Variants in THRB observed in about 807,000 individuals in gnomAD.
The protein encoded by THRB is thyroid hormone receptor beta.
A neutral mutation model predicts 47.8 loss-of-function variants in THRB; 12 were observed. The observed-to-expected ratio is 0.25, with a 90% CI of 0.16 to 0.41. The LOEUF is 0.41. Among genes scored for constraint, THRB ranks in the 10% least tolerant of loss-of-function variants. THRB has a pLI of 1.00. For missense variants in THRB, 348 were observed against 589.2 expected, an observed-to-expected ratio of 0.59 and a Z score of 4.24; for synonymous variants, 218 against 212.2, an observed-to-expected ratio of 1.03 and a Z score of -0.24.
intron 3 of THRB, among the ~76,000 whole-genome samples, chr3:24,235,713 C>A (rs2048790106): frequency 6.6e-6 from 1 of 151,904 alleles, no homozygotes; most frequent in Admixed American, 6.6e-5. Flanking sequence ...TAGCCCAAGA[C>A]CATTAAAACT....
chr3:24,474,726 C>T (rs1695192708), intron 1 of THRB, among the ~76,000 whole-genome samples: 1 of 152,138 alleles, frequency 6.6e-6, no homozygotes, highest in Admixed American at 6.6e-5. Context: ...GCTCAGAAGA[C>T]TGCTGCAGAC....
At chr3:24,308,925 G>A (rs1197423426) in intron 2 of THRB, among the ~76,000 whole-genome samples, 1 of 152,250 alleles carries the variant, frequency 6.6e-6, no homozygotes, top group Non-Finnish European at 1.5e-5. Flanking sequence ...GAAGTAAACT[G>A]TTTATTTTCT....
rs776839301 is a variant in THRB, at chr3:24,221,210, T to C, written c.22+7728A>G. 4.6e-5 allele frequency among the ~76,000 whole-genome samples: 7 copies of C among 152,344 alleles called. 1 individual carries two copies. The highest frequency in any genetic ancestry group is 3.9e-4 in the East Asian group (2 of 5,194). On this transcript the variant is annotated intron_variant, in intron 4 of 10. Transcript: ENST00000646209. ...CCGTATAAAAATAACTCTTGGCTCA[T>C]TGCAAACAAAATAACACCATATAGT...
intron 1 of THRB, among the ~76,000 whole-genome samples, chr3:24,341,656 T>G (rs2062664904): frequency 1.3e-5 from 2 of 152,230 alleles, no homozygotes; most frequent in Admixed American, 1.3e-4. Context: ...AGGTTAAGTC[T>G]ATTCTCCTGT....
intron 2 of THRB, among the ~76,000 whole-genome samples, chr3:24,323,123 T>C (rs2058590845): frequency 6.6e-6 from 1 of 152,200 alleles, no homozygotes; most frequent in African/African-American, 2.4e-5. Context: ...CGTTGAGCTT[T>C]AAGTGGCCCA....
intron 6 of THRB, among the ~76,000 whole-genome samples, chr3:24,151,366 G>A (rs908746982): frequency 2.0e-5 from 3 of 152,154 alleles, no homozygotes; most frequent in Non-Finnish European, 4.4e-5. Flanking sequence ...TGAACAAAGC[G>A]GGGCAGTTGG....
chr3:24,465,373 C>T (rs933549790), intron 1 of THRB, among the ~76,000 whole-genome samples: 3 of 152,144 alleles, frequency 2.0e-5, no homozygotes, highest in Non-Finnish European at 4.4e-5. Flanking sequence ...TTATTCTCAT[C>T]AGGATGAGGT....
chr3:24,122,025 G>A lies in THRB; in HGVS notation c.*859C>T, dbSNP rs895156555. 15 of 152,658 alleles carry A rather than the reference G, an allele frequency of 9.8e-5. No individual in the cohort carries two copies. Among genetic ancestry groups the A allele is most frequent in the African/African-American group, 3.6e-4 (15 of 41,454 alleles). 9.5% of individuals were successfully genotyped at this position (152,658 alleles called of 1,614,324 possible). On this transcript the variant is annotated 3_prime_UTR_variant, in exon 11 of 11. Transcript: ENST00000646209. Reference sequence around the variant, plus strand: ...GAGCTTGGGAGATGACAGATCAGATGCCACAGAAAAGGGGTGCCACCCTGT... The same window carrying A: ...GAGCTTGGGAGATGACAGATCAGATACCACAGAAAAGGGGTGCCACCCTGT...
intron 1 of THRB, among the ~76,000 whole-genome samples, chr3:24,437,844 C>A (rs2071123284): frequency 6.6e-6 from 1 of 151,792 alleles, no homozygotes; most frequent in Admixed American, 6.6e-5. Context: ...TCTCTGAACT[C>A]CTATACAACT....
At chr3:24,413,384 C>T (rs1173864337) in intron 1 of THRB, among the ~76,000 whole-genome samples, 1 of 151,352 alleles carries the variant, frequency 6.6e-6, no homozygotes, top group African/African-American at 2.4e-5. Context: ...TCAAAGAATT[C>T]TATATGGTAA....
chr3:24,164,941 G>T, intron 5 of THRB: 44 of 582,578 alleles, frequency 7.6e-5, no homozygotes, highest in Non-Finnish European at 9.3e-5. Flanking sequence ...TCAAAGATTT[G>T]ACGAAGCTGA....
At chr3:24,351,782 C>T (rs1370076707) in intron 1 of THRB, among the ~76,000 whole-genome samples, 1 of 152,142 alleles carries the variant, frequency 6.6e-6, no homozygotes, top group Non-Finnish European at 1.5e-5. Flanking sequence ...CTTCCTGTCC[C>T]ACCTCTGTAA....
chr3:24,442,538 G>A (rs773790098), intron 1 of THRB, among the ~76,000 whole-genome samples: 80 of 152,274 alleles, frequency 5.3e-4, no homozygotes, highest in Non-Finnish European at 9.7e-4. Context: ...TTAAAACTAA[G>A]GTCTAGCCAG....
At chr3:24,272,080 G>A (rs2053394733) in intron 3 of THRB, among the ~76,000 whole-genome samples, 1 of 152,172 alleles carries the variant, frequency 6.6e-6, no homozygotes, top group Admixed American at 6.5e-5. Context: ...TAGGGCTTAT[G>A]CCTATAATTC....
chr3:24,278,344 A>C (rs1420781265), intron 3 of THRB, among the ~76,000 whole-genome samples: 1 of 152,222 alleles, frequency 6.6e-6, no homozygotes, highest in Admixed American at 6.5e-5. Flanking sequence ...ACAGTGTTAA[A>C]ATTGGTAAGA....
chr3:24,395,616 G>A (rs1018205609), intron 1 of THRB, among the ~76,000 whole-genome samples: 1 of 152,064 alleles, frequency 6.6e-6, no homozygotes, highest in East Asian at 1.9e-4. Context: ...ATAAAAACAA[G>A]TGTTGGCAAG....
intron 4 of THRB, among the ~76,000 whole-genome samples, chr3:24,212,124 C>T (rs544568871): frequency 2.0e-5 from 3 of 152,074 alleles, no homozygotes; most frequent in African/African-American, 7.2e-5. Context: ...ATTGGCCAGG[C>T]ATGGTGGCTT....
chr3:24,279,394 T>C (rs1442928630), intron 3 of THRB, among the ~76,000 whole-genome samples: 1 of 150,974 alleles, frequency 6.6e-6, no homozygotes, highest in East Asian at 2.0e-4. Flanking sequence ...TTCTTTTTTC[T>C]TTTTTTTGAG....
chr3:24,278,178 T>C (rs2054137093), intron 3 of THRB, among the ~76,000 whole-genome samples: 1 of 152,218 alleles, frequency 6.6e-6, no homozygotes, highest in Non-Finnish European at 1.5e-5. Context: ...GCAAGTACAT[T>C]TGTTCACTCT....
Sources: gnomAD v4.1 joint callset for allele counts (sites outside exome capture counted in the v4.1 genomes callset) on GRCh38, gnomAD v4.1.1 for gene constraint, MANE v1.5 for transcripts, NCBI Gene and HGNC (gene_info 2026-07-23, HGNC 2026-07-21) for gene names.